ZNF407: variants seen among roughly 807,000 people sequenced by gnomAD.
ZNF407 encodes zinc finger protein 407.
Under a neutral mutation model 131.2 loss-of-function variants are expected in ZNF407, and 17 were observed. The ratio of observed to expected loss-of-function variants is 0.13; its 90% confidence interval spans 0.09 to 0.19. The LOEUF (loss-of-function observed/expected upper bound fraction) is 0.19, where lower values mean the gene tolerates loss of function less well. Among genes scored for constraint, ZNF407 ranks in the 10% least tolerant of loss-of-function variants. The probability of loss-of-function intolerance (pLI) is 1.00; values close to 1 mark genes in which losing one functional copy is unlikely to be tolerated. For synonymous variants in ZNF407, 1,156 were observed against 1,062.0 expected (o/e 1.09, Z -1.72); for missense variants, 2,681 against 2,830.6 (o/e 0.95, Z 1.20).
chr18:74,626,860 T>C (rs1249824955), intron 1 of ZNF407, among the ~76,000 whole-genome samples: 5 of 152,138 alleles, frequency 3.3e-5, no homozygotes, highest in Admixed American at 3.3e-4. Flanking sequence ...GTTGCTGTGG[T>C]GGAGGGACCA....
chr18:75,043,459 C>G (rs1366815632), intron 8 of ZNF407, among the ~76,000 whole-genome samples: 11 of 152,196 alleles, frequency 7.2e-5, no homozygotes, highest in Non-Finnish European at 1.3e-4. Context: ...CCCCTCAAAT[C>G]TATCTTTGCC....
At chr18:74,739,108 C>T (rs769929655) in intron 3 of ZNF407, among the ~76,000 whole-genome samples, 4 of 151,308 alleles carry the variant, frequency 2.6e-5, no homozygotes, top group Non-Finnish European at 4.4e-5. Flanking sequence ...ATATTTCATA[C>T]GGCCACAGAA....
rs1969320409 is a variant in ZNF407 at position 74,769,662 on chromosome 18, TAACCAAG to T, written c.4803-11765_4803-11759del. ...TTCGTCTCACATGTCATGTTTAACT[TAACCAAG>T]GCCATGTTGGCCTAGACTAGATGCA... On this transcript the variant is annotated intron_variant, in intron 3 of 8. Coordinates refer to ENST00000299687, the MANE Select transcript of ZNF407 (RefSeq NM_017757.3). Among the ~76,000 whole-genome samples, 2 of 152,254 alleles carry T rather than the reference TAACCAAG, an allele frequency of 1.3e-5. 1 individual carries two copies. Among genetic ancestry groups the T allele is most frequent in the South Asian group, 4.1e-4 (2 of 4,836 alleles).
intron 4 of ZNF407, among the ~76,000 whole-genome samples, chr18:74,837,123 C>T (rs1014467425): frequency 1.3e-5 from 2 of 152,112 alleles, no homozygotes; most frequent in Non-Finnish European, 2.9e-5. Context: ...GAGAATAAAA[C>T]CTACTATTAA....
chr18:74,669,150 A>G (rs978347632), intron 3 of ZNF407, among the ~76,000 whole-genome samples: 2 of 152,202 alleles, frequency 1.3e-5, no homozygotes, highest in Non-Finnish European at 2.9e-5. Context: ...TCTAAGCTCC[A>G]GGAAGGCAGA....
At chr18:74,967,839 C>A (rs1217697842) in intron 8 of ZNF407, among the ~76,000 whole-genome samples, 1 of 152,224 alleles carries the variant, frequency 6.6e-6, no homozygotes, top group Admixed American at 6.5e-5. Flanking sequence ...ACTCAAATTT[C>A]TGGGACCTAA....
chr18:75,020,350 A>T (rs1267132871), intron 8 of ZNF407, among the ~76,000 whole-genome samples: 1 of 151,514 alleles, frequency 6.6e-6, no homozygotes, highest in African/African-American at 2.4e-5. Context: ...GTATATATAT[A>T]TAGGATCTGG....
At chr18:75,049,202 C>T (rs1973471290) in intron 8 of ZNF407, among the ~76,000 whole-genome samples, 1 of 151,804 alleles carries the variant, frequency 6.6e-6, no homozygotes, top group Admixed American at 6.6e-5. Context: ...CTGGTAATTG[C>T]CCAGAAAGTT....
At chr18:74,947,378 C>T (rs1303728968) in intron 8 of ZNF407, among the ~76,000 whole-genome samples, 1 of 152,178 alleles carries the variant, frequency 6.6e-6, no homozygotes, top group South Asian at 2.1e-4. Flanking sequence ...TTCAGCTGAG[C>T]TGCTTCTTAC....
At chr18:74,799,772 A>T (rs1249094703) in intron 4 of ZNF407, among the ~76,000 whole-genome samples, 1 of 152,026 alleles carries the variant, frequency 6.6e-6, no homozygotes, top group African/African-American at 2.4e-5. Flanking sequence ...GAGAATGCGT[A>T]TGCACCTGTA....
chr18:74,816,887 A>G (rs1970274422), intron 4 of ZNF407, among the ~76,000 whole-genome samples: 1 of 152,172 alleles, frequency 6.6e-6, no homozygotes, highest in Non-Finnish European at 1.5e-5. Flanking sequence ...CCTTTATTCC[A>G]TTGCATTTCT....
chr18:74,931,363 A>C (rs1257338055), intron 8 of ZNF407, among the ~76,000 whole-genome samples: 2 of 152,222 alleles, frequency 1.3e-5, no homozygotes, highest in Admixed American at 1.3e-4. Context: ...AACAAGAGCA[A>C]GGCAAATAAC....
At chr18:74,756,586 CTT>C (rs1476298630) in intron 3 of ZNF407, among the ~76,000 whole-genome samples, 8 of 151,740 alleles carry the variant, frequency 5.3e-5, no homozygotes, top group African/African-American at 1.9e-4. Flanking sequence ...TTTGATTTTT[CTT>C]TGTTAGTGCA....
At chr18:74,766,376 A>G (rs946480862) in intron 3 of ZNF407, among the ~76,000 whole-genome samples, 1 of 152,214 alleles carries the variant, frequency 6.6e-6, no homozygotes, top group Non-Finnish European at 1.5e-5. Flanking sequence ...TTCAGGAGTC[A>G]GAGAAGCTGA....
intron 8 of ZNF407, among the ~76,000 whole-genome samples, chr18:74,983,198 G>C (rs113477007): frequency 5.3e-5 from 8 of 152,120 alleles, no homozygotes; most frequent in African/African-American, 1.9e-4. Flanking sequence ...TTTGCGATTT[G>C]AGTAGTACCC....
intron 4 of ZNF407, among the ~76,000 whole-genome samples, chr18:74,813,474 C>CT (rs1458974484): frequency 6.6e-6 from 1 of 151,586 alleles, no homozygotes; most frequent in African/African-American, 2.4e-5. Context: ...CCCTTCACCC[C>CT]ACACCCACCA....
At chr18:74,778,898 G>C (rs986438036) in intron 3 of ZNF407, among the ~76,000 whole-genome samples, 46 of 151,914 alleles carry the variant, frequency 3.0e-4, no homozygotes, top group African/African-American at 1.1e-3. Context: ...CTAGCTTTCA[G>C]ATTTGCCATC....
chr18:75,036,251 A>G (rs1973306799), intron 8 of ZNF407, among the ~76,000 whole-genome samples: 1 of 152,226 alleles, frequency 6.6e-6, no homozygotes, highest in African/African-American at 2.4e-5. Flanking sequence ...TGAGCAAAAT[A>G]GTATAATTCT....
At chr18:74,847,056 A>T (rs1970713502) in intron 4 of ZNF407, among the ~76,000 whole-genome samples, 1 of 152,174 alleles carries the variant, frequency 6.6e-6, no homozygotes, top group South Asian at 2.1e-4. Context: ...GCTCAAAATG[A>T]TTCTCTTAGG....
Sources: gnomAD v4.1 joint callset for allele counts (sites outside exome capture counted in the v4.1 genomes callset) on GRCh38, gnomAD v4.1.1 for gene constraint, MANE v1.5 for transcripts, NCBI Gene and HGNC (gene_info 2026-07-23, HGNC 2026-07-21) for gene names.